Variants in LRP6 observed in about 807,000 individuals in gnomAD.
LRP6 encodes low-density lipoprotein receptor-related protein 6.
LRP6 carries 43 observed loss-of-function variants against 184.1 expected under a neutral mutation model. That is an observed-to-expected ratio of 0.23 (90% CI 0.18 to 0.30). The LOEUF (loss-of-function observed/expected upper bound fraction) is 0.30, where lower values mean the gene tolerates loss of function less well. Ranked by LOEUF, LRP6 falls within the 10% of genes least tolerant of loss-of-function variation. LRP6 has a pLI of 1.00. For synonymous variants in LRP6, 719 were observed against 684.9 expected (o/e 1.05, Z -0.78); for missense variants, 1,571 against 2,005.3 (o/e 0.78, Z 4.14).
At chr12:12,176,664 G>C (rs919636689) in intron 7 of LRP6, among the ~76,000 whole-genome samples, 1 of 152,084 alleles carries the variant, frequency 6.6e-6, no homozygotes, top group Non-Finnish European at 1.5e-5. Flanking sequence ...CTGATCTAAA[G>C]AATTTCCACT....
chr12:12,218,427 T>G (rs988359719), intron 2 of LRP6, among the ~76,000 whole-genome samples: 1 of 151,288 alleles, frequency 6.6e-6, no homozygotes, highest in Non-Finnish European at 1.5e-5. Flanking sequence ...CAATGAGCCA[T>G]GATCATGCCA....
At chr12:12,227,357 G>A (rs1210355931) in intron 2 of LRP6, among the ~76,000 whole-genome samples, 1 of 150,270 alleles carries the variant, frequency 6.7e-6, no homozygotes, top group Non-Finnish European at 1.5e-5. Flanking sequence ...CAAAAAGAAA[G>A]TAACGGCATT....
At chr12:12,177,921 T>C (rs1362417625) in intron 7 of LRP6, among the ~76,000 whole-genome samples, 10 of 151,428 alleles carry the variant, frequency 6.6e-5, no homozygotes, top group African/African-American at 2.4e-4. Context: ...AACGAATGAA[T>C]GAAAAAAATT....
intron 2 of LRP6, among the ~76,000 whole-genome samples, chr12:12,222,485 T>C (rs1193596049): frequency 6.6e-6 from 1 of 151,004 alleles, no homozygotes; most frequent in Admixed American, 6.6e-5. Context: ...GAGAATCGCT[T>C]GAATCCAGGA....
rs538153545 is a variant in LRP6 at position 12,130,869 on chromosome 12, C to A, written c.3995G>T (p.Arg1332Leu). The change falls in exon 19 of 23, where the codon CGC (arginine) becomes CTC (leucine). Residue 1332 changes from arginine (R) to leucine (L), a missense_variant. Physicochemically the swap from Arg to Leu is moderately radical, Grantham distance 102. Coordinates refer to ENST00000261349, the MANE Select transcript of LRP6 (RefSeq NM_002336.3). ...TCCAATGCACTGACCATTGGCACAGCGGAACTGATCAATTAAACAAAGCAC... is the reference window on the plus strand; with the variant it reads ...TCCAATGCACTGACCATTGGCACAGAGGAACTGATCAATTAAACAAAGCAC... ...CEVLCLIDQF[R>L]CANGQCIGKH... 3.7e-6 allele frequency: 6 copies of A among 1,607,406 alleles called. No individual in the cohort carries two copies. The highest frequency in any genetic ancestry group is 5.1e-6 in the Non-Finnish European group (6 of 1,174,156).
At chr12:12,132,442 T>C (rs1246394114) in intron 17 of LRP6, among the ~76,000 whole-genome samples, 1 of 152,220 alleles carries the variant, frequency 6.6e-6, no homozygotes, top group African/African-American at 2.4e-5. Context: ...GGATAGTCCA[T>C]GAACCCTTAG....
chr12:12,201,361 T>C (rs1376855242), intron 3 of LRP6, among the ~76,000 whole-genome samples: 1 of 152,222 alleles, frequency 6.6e-6, no homozygotes, highest in East Asian at 1.9e-4. Context: ...TAGCTTCTTC[T>C]GTCTTTACCA....
rs762885338 is a variant in LRP6 at position 12,160,291 on chromosome 12, G to A, written c.2280-327C>T. 3.4e-4 allele frequency among the ~76,000 whole-genome samples: 52 copies of A among 152,224 alleles called. 1 individual carries two copies. The highest frequency in any genetic ancestry group is 1.5e-3 in the South Asian group (7 of 4,822). On this transcript the variant is annotated intron_variant, in intron 10 of 22. Coordinates refer to ENST00000261349, the MANE Select transcript of LRP6 (RefSeq NM_002336.3). ...ATTAACATTCAAGAAAACAGCAAAG[G>A]TTTAAAGCTCTGGTCTCAGAATCTG...
At chr12:12,184,707 A>G (rs1863427333) in intron 4 of LRP6, among the ~76,000 whole-genome samples, 1 of 152,242 alleles carries the variant, frequency 6.6e-6, no homozygotes, top group Non-Finnish European at 1.5e-5. Context: ...GAATGGGAAT[A>G]GATTAAAGTG....
At chr12:12,121,747 T>C (rs1003603855) in intron 22 of LRP6, among the ~76,000 whole-genome samples, 9 of 152,232 alleles carry the variant, frequency 5.9e-5, no homozygotes, top group Non-Finnish European at 1.3e-4. Flanking sequence ...AAATTTGTTC[T>C]GCAGTTTCAT....
At chr12:12,148,406 C>G (rs959243638) in intron 14 of LRP6, among the ~76,000 whole-genome samples, 5 of 152,126 alleles carry the variant, frequency 3.3e-5, no homozygotes, top group African/African-American at 1.2e-4. Flanking sequence ...ACTTTACTTG[C>G]TGAATACCTT....
In LRP6 at chr12:12,267,036, C is replaced by G. The variant is rs1435149456; in HGVS notation, c.-301G>C. 6 of 452,344 alleles carry G rather than the reference C, an allele frequency of 1.3e-5. No homozygotes were observed. Among genetic ancestry groups the G allele is most frequent in the Admixed American group, 9.0e-5 (2 of 22,192 alleles). 28.0% of individuals were successfully genotyped at this position (452,344 alleles called of 1,614,324 possible). ...TCAGCCTCTGCCTCGCGCAGCGGCGCAGGGATACGGTCGGCACCGCCTCCT... is the reference window on the plus strand; with the variant it reads ...TCAGCCTCTGCCTCGCGCAGCGGCGGAGGGATACGGTCGGCACCGCCTCCT... On this transcript the variant is annotated 5_prime_UTR_variant, in exon 1 of 23. Coordinates refer to ENST00000261349, the MANE Select transcript of LRP6 (RefSeq NM_002336.3).
At chr12:12,200,085 G>C (rs1319043666) in intron 3 of LRP6, among the ~76,000 whole-genome samples, 2 of 150,898 alleles carry the variant, frequency 1.3e-5, no homozygotes, top group Admixed American at 1.3e-4. Context: ...CCTTGGACAT[G>C]AGTGCATGAG....
intron 12 of LRP6, among the ~76,000 whole-genome samples, chr12:12,156,435 G>A (rs532708707): frequency 6.6e-6 from 1 of 152,288 alleles, no homozygotes; most frequent in South Asian, 2.1e-4. Flanking sequence ...GTGGTGGGGA[G>A]TGAGAGTGAA....
intron 15 of LRP6, among the ~76,000 whole-genome samples, chr12:12,140,697 G>A (rs182300327): frequency 4.0e-5 from 6 of 150,924 alleles, no homozygotes; most frequent in African/African-American, 1.2e-4. Context: ...TTCACCTTCC[G>A]GTTTCACGTG....
intron 6 of LRP6, among the ~76,000 whole-genome samples, chr12:12,180,219 A>G (rs1405081382): frequency 2.0e-5 from 3 of 150,454 alleles, no homozygotes; most frequent in Admixed American, 6.7e-5. Context: ...GCCTCCCAAT[A>G]ATGAGATTAC....
chr12:12,148,242 G>A (rs958956311), intron 14 of LRP6, among the ~76,000 whole-genome samples: 2 of 151,534 alleles, frequency 1.3e-5, no homozygotes, highest in Non-Finnish European at 2.9e-5. Context: ...AGAATAATAC[G>A]ACAAATTAAA....
chr12:12,253,853 A>T (rs757623399), intron 1 of LRP6, among the ~76,000 whole-genome samples: 2 of 152,308 alleles, frequency 1.3e-5, no homozygotes, highest in Middle Eastern at 3.4e-3. Context: ...TCAATAAAAA[A>T]GGGCTATGGG....
intron 18 of LRP6, among the ~76,000 whole-genome samples, chr12:12,131,097 A>ATCT (rs775788996): frequency 2.6e-5 from 2 of 78,148 alleles, no homozygotes; most frequent in African/African-American, 8.0e-5. Context: ...ATTTCCTAAC[A>ATCT]TTTTTTTTTT....
Sources: allele counts gnomAD v4.1 joint callset (sites outside exome capture counted in the v4.1 genomes callset), GRCh38; gene constraint gnomAD v4.1.1; transcripts MANE v1.5; gene names NCBI Gene and HGNC (gene_info 2026-07-23, HGNC 2026-07-21).